Variants in JARID2 observed in about 807,000 individuals in gnomAD.
The protein encoded by JARID2 is jumonji and AT-rich interaction domain containing 2, also known as protein Jumonji.
Under a neutral mutation model 125.6 loss-of-function variants are expected in JARID2, and 21 were observed. The ratio of observed to expected loss-of-function variants is 0.17; its 90% CI spans 0.12 to 0.24. JARID2 has a LOEUF of 0.24. Ranked by LOEUF, JARID2 falls within the 10% of genes least tolerant of loss-of-function variation. The pLI is 1.00. For synonymous variants in JARID2, 736 were observed against 661.6 expected (o/e 1.11, Z -1.73); for missense variants, 1,303 against 1,639.6 (o/e 0.79, Z 3.55).
rs544476531 is a variant in JARID2, at chr6:15,452,319, A to G, written c.493+144A>G. 3.0e-5 allele frequency: 36 copies of G among 1,188,892 alleles called. No individual in the cohort carries two copies. In the East Asian group the frequency reaches 9.4e-4, roughly 31 times the overall value. The allele number at this position is 1,188,892 out of a possible 1,614,324, so 73.6% of individuals were successfully genotyped here. A position where few individuals can be genotyped will look rare whatever the true frequency, so the allele number is the denominator to read the frequency against. On this transcript the variant is annotated intron_variant, in intron 4 of 17. Transcript: ENST00000341776. ...GTTGAGGGGGAATTGAAAGTGAGAA[A>G]TCCCACCGAGAGAGTGTGTGCTGGG...
intron 1 of JARID2, among the ~76,000 whole-genome samples, chr6:15,301,830 C>T (rs577020458): frequency 3.4e-4 from 51 of 152,216 alleles, no homozygotes; most frequent in African/African-American, 1.1e-3. Context: ...GAAGGAAATG[C>T]CTGGTATAGT....
At chr6:15,366,507 G>T (rs1581462640) in intron 1 of JARID2, among the ~76,000 whole-genome samples, 2 of 135,746 alleles carry the variant, frequency 1.5e-5, no homozygotes, top group African/African-American at 5.9e-5. Flanking sequence ...GTGGGTGGGG[G>T]GCGGGGGGGG....
chr6:15,407,410 A>C (rs1765695047), intron 2 of JARID2, among the ~76,000 whole-genome samples: 1 of 152,184 alleles, frequency 6.6e-6, no homozygotes, highest in Admixed American at 6.5e-5. Context: ...AGTCACCCAG[A>C]TTCATTTTGT....
At chr6:15,317,048 T>G (rs1476026861) in intron 1 of JARID2, among the ~76,000 whole-genome samples, 2 of 152,210 alleles carry the variant, frequency 1.3e-5, no homozygotes, top group Admixed American at 1.3e-4. Context: ...CAGTCTTGAG[T>G]ATAATGGGTT....
intron 2 of JARID2, among the ~76,000 whole-genome samples, chr6:15,393,047 G>A (rs1765083471): frequency 6.6e-6 from 1 of 152,136 alleles, no homozygotes; most frequent in Admixed American, 6.5e-5. Flanking sequence ...CGTGGATAGA[G>A]GCTATCAGTG....
At chr6:15,343,222 TC>T (rs1763128755) in intron 1 of JARID2, among the ~76,000 whole-genome samples, 1 of 52,108 alleles carries the variant, frequency 1.9e-5, no homozygotes, top group Non-Finnish European at 3.3e-5. Flanking sequence ...AGAACGAAAC[TC>T]CGTCAAAAAA....
At chr6:15,252,247 C>G (rs1467798245) in intron 1 of JARID2, among the ~76,000 whole-genome samples, 1 of 151,706 alleles carries the variant, frequency 6.6e-6, no homozygotes, top group Admixed American at 6.6e-5. Flanking sequence ...GGCCTCATAT[C>G]AAAAAAACCG....
intron 3 of JARID2, among the ~76,000 whole-genome samples, chr6:15,425,897 G>C (rs1457750637): frequency 6.6e-6 from 1 of 152,182 alleles, no homozygotes; most frequent in Non-Finnish European, 1.5e-5. Context: ...CCATATCTGG[G>C]AGATGTAATA....
chr6:15,313,975 CTTTTGT>C (rs1762099775), intron 1 of JARID2, among the ~76,000 whole-genome samples: 1 of 152,124 alleles, frequency 6.6e-6, no homozygotes, highest in African/African-American at 2.4e-5. Flanking sequence ...GGAGGTGCTG[CTTTTGT>C]TTTTATCTCT....
intron 2 of JARID2, among the ~76,000 whole-genome samples, chr6:15,399,734 C>T (rs1033465520): frequency 3.9e-5 from 6 of 152,142 alleles, no homozygotes; most frequent in African/African-American, 1.4e-4. Context: ...AGAAGGTCCT[C>T]GTTAGATGGT....
chr6:15,363,422 GT>G (rs56675593), intron 1 of JARID2, among the ~76,000 whole-genome samples: 5 of 152,152 alleles, frequency 3.3e-5, no homozygotes, highest in Non-Finnish European at 2.9e-5. Flanking sequence ...ATAATTATTT[GT>G]TTTACACATG....
Position 15,374,124 on chromosome 6 carries a change from G to A in JARID2, c.53G>A (p.Ser18Asn). The stretch of plus-strand genomic sequence containing the variant: ...TTTCTTATGTTTCTTCAGGATGACA[G>A]TGATGGGATTCCGTGGTCAGAAGAA... ...RNIIQKKYDDSDGIPWSEERV... is the reference protein window; with the variant it reads ...RNIIQKKYDDNDGIPWSEERV... Residue 18 changes from serine (S) to asparagine (N), a missense_variant, in exon 2 of 18, where the codon AGT becomes AAT. Around this residue, in one of 11 missense-constraint regions of JARID2, gnomAD observed 93 missense variants for 120.4 expected, o/e 0.77. Transcript: ENST00000341776. The A allele has an allele frequency of 6.2e-7, 1 of 1,614,014 alleles. No individual in the cohort carries two copies.
chr6:15,329,237 G>A lies in JARID2; in HGVS notation c.46-44880G>A, dbSNP rs535594154. Among the ~76,000 whole-genome samples, 10 of 150,992 alleles carry A rather than the reference G, an allele frequency of 6.6e-5. No homozygotes were observed. In the East Asian group the frequency reaches 1.9e-3, roughly 29 times the overall value. On this transcript the variant is annotated intron_variant, in intron 1 of 17. Transcript: ENST00000341776. ...CCCCAAGCCTGTAATTCCCTCCTTA[G>A]TCATCATCTTACTATCCCTTGGGAC... is the stretch of plus-strand genomic sequence containing the variant.
intron 4 of JARID2, among the ~76,000 whole-genome samples, chr6:15,460,700 TGTTG>T (rs961505926): frequency 1.3e-5 from 2 of 152,080 alleles, no homozygotes; most frequent in Admixed American, 6.5e-5. Flanking sequence ...TTGTTGTTGT[TGTTG>T]TTGTTTTGTT....
intron 1 of JARID2, among the ~76,000 whole-genome samples, chr6:15,286,379 G>A (rs1761000925): frequency 2.0e-5 from 3 of 151,330 alleles, no homozygotes; most frequent in Admixed American, 2.0e-4. Flanking sequence ...AGCCGCCCGA[G>A]TAGCTGGGAT....
intron 1 of JARID2, among the ~76,000 whole-genome samples, chr6:15,364,734 T>G (rs1301326093): frequency 6.6e-6 from 1 of 152,234 alleles, no homozygotes; most frequent in African/African-American, 2.4e-5. Context: ...TAACACGCAA[T>G]GTCAATTGAA....
chr6:15,347,115 C>T (rs1432410597), intron 1 of JARID2, among the ~76,000 whole-genome samples: 3 of 152,064 alleles, frequency 2.0e-5, no homozygotes, highest in Admixed American at 6.6e-5. Flanking sequence ...TGAGACATTT[C>T]GTGGTTAAGA....
intron 2 of JARID2, among the ~76,000 whole-genome samples, chr6:15,395,789 C>G (rs772436654): frequency 1.3e-5 from 2 of 151,814 alleles, no homozygotes; most frequent in Non-Finnish European, 2.9e-5. Context: ...CTCAGCCTCC[C>G]GAGTAGCTGG....
chr6:15,319,957 G>T (rs1198712640), intron 1 of JARID2, among the ~76,000 whole-genome samples: 1 of 152,172 alleles, frequency 6.6e-6, no homozygotes, highest in Non-Finnish European at 1.5e-5. Context: ...TCGAACTGGA[G>T]CTAAGCACTG....
Sources: allele counts gnomAD v4.1 joint callset (sites outside exome capture counted in the v4.1 genomes callset), GRCh38; gene constraint gnomAD v4.1.1; regional missense constraint gnomAD v4.1.1; transcripts MANE v1.5; gene names NCBI Gene and HGNC (gene_info 2026-07-23, HGNC 2026-07-21).